Variants in ARHGEF28 observed in about 807,000 individuals in gnomAD.
ARHGEF28 encodes 190 kDa guanine nucleotide exchange factor.
In ARHGEF28, 152 loss-of-function variants were observed where a neutral mutation model predicts 206.6. That is an observed-to-expected ratio of 0.74 (90% CI 0.64 to 0.84). The LOEUF (loss-of-function observed/expected upper bound fraction) is 0.84. Ranked by LOEUF, ARHGEF28 falls within the 40% of genes least tolerant of loss-of-function variation. The probability of loss-of-function intolerance (pLI) is 0.00; values close to 1 mark genes in which losing one functional copy is unlikely to be tolerated. For synonymous variants in ARHGEF28, 763 were observed against 776.4 expected, an observed-to-expected ratio of 0.98 and a Z score of 0.29; for missense variants, 2,028 against 2,073.2, an observed-to-expected ratio of 0.98 and a Z score of 0.42.
intron 1 of ARHGEF28, among the ~76,000 whole-genome samples, chr5:73,668,562 T>C (rs1457157353): frequency 6.6e-6 from 1 of 152,248 alleles, no homozygotes; most frequent in Non-Finnish European, 1.5e-5. Context: ...TTGTCAATAC[T>C]GTTGCACGGG....
chr5:73,933,911 C>T, intron 35 of ARHGEF28, among the ~76,000 whole-genome samples: 1 of 150,146 alleles, frequency 6.7e-6, no homozygotes, highest in East Asian at 1.9e-4. Flanking sequence ...TCTGGATTGT[C>T]TCATAAATGT....
intron 7 of ARHGEF28, among the ~76,000 whole-genome samples, chr5:73,784,509 C>A (rs183130460): frequency 6.6e-6 from 1 of 152,230 alleles, no homozygotes; most frequent in African/African-American, 2.4e-5. Flanking sequence ...TCCATATTTT[C>A]CCCTTGCCTT....
Position 73,892,134 on chromosome 5 carries a change from G to C in ARHGEF28, c.3470G>C (p.Ser1157Thr). The C allele has an allele frequency of 6.3e-7, 1 of 1,591,242 alleles. No individual in the cohort carries two copies. The highest frequency in any genetic ancestry group is 1.1e-5 in the South Asian group (1 of 87,014). ...GAGGAGAGAGGAATGTTTCTGATCA[G>C]TGCTTCATCTGCTGGTCCTGAGATG... ...ANEERGMFLI[S>T]ASSAGPEMYE... The change falls in exon 27 of 36, where the codon AGT becomes ACT. Residue 1157 changes from serine to threonine, a missense_variant. Coordinates refer to ENST00000513042, the MANE Select transcript of ARHGEF28 (RefSeq NM_001177693.2).
rs113009457 is a variant in ARHGEF28, at chr5:73,737,749, T to C, written c.34-12088T>C. Among the ~76,000 whole-genome samples, 1,328 of 152,146 alleles carry C rather than the reference T, an allele frequency of 8.7e-3. 16 individuals are homozygous for C. Among genetic ancestry groups the C allele is most frequent in the African/African-American group, 0.03 (1,241 of 41,488 alleles). ...CCAGGCTGGTCTTGAACTGCTGACCTCAGGTGATCCGCCTGCCTCGGACTC... is the reference window on the plus strand; with the variant it reads ...CCAGGCTGGTCTTGAACTGCTGACCCCAGGTGATCCGCCTGCCTCGGACTC... On this transcript the variant is annotated intron_variant, in intron 2 of 35. Transcript: ENST00000513042.
intron 22 of ARHGEF28, among the ~76,000 whole-genome samples, chr5:73,878,022 G>T (rs1760643220): frequency 6.6e-6 from 1 of 152,066 alleles, no homozygotes; most frequent in Non-Finnish European, 1.5e-5. Context: ...CTGACAGTGG[G>T]GTGTTAAAGT....
At chr5:73,877,533 T>G (rs1305119712) in intron 22 of ARHGEF28, among the ~76,000 whole-genome samples, 3 of 135,854 alleles carry the variant, frequency 2.2e-5, no homozygotes, top group Non-Finnish European at 3.1e-5. Context: ...ATTTTAGATC[T>G]TTCCTGCTTT....
chr5:73,790,674 C>A (rs866958690), intron 7 of ARHGEF28, among the ~76,000 whole-genome samples: 16 of 112,276 alleles, frequency 1.4e-4, no homozygotes, highest in Middle Eastern at 4.4e-3. Flanking sequence ...AGTAGTCCCA[C>A]TTTTAGGAAA....
At position 73,882,503 on chromosome 5, in the gene ARHGEF28, A is replaced by G. The variant is rs773828993; in HGVS notation, c.2846A>G (p.Lys949Arg). The change falls in exon 23 of 36, where the codon AAA becomes AGA. Residue 949 changes from lysine to arginine, a missense_variant. Physicochemically the swap from Lys to Arg is conservative, Grantham distance 26. Around this residue, in one of 3 missense-constraint regions of ARHGEF28, gnomAD observed 223 missense variants for 289.9 expected, o/e 0.77. Transcript: ENST00000513042. ...GAAGAAAATGCAAGTAAAATGAAGA[A>G]AATATATGGAGAATTCTGTTGCCAT... ...FSEENASKMK[K>R]IYGEFCCHHK... 1 of 1,471,540 alleles carries G rather than the reference A, an allele frequency of 6.8e-7. No homozygotes were observed. Among genetic ancestry groups the G allele is most frequent in the East Asian group, 2.4e-5 (1 of 41,332 alleles). The allele number at this position is 1,471,540 out of a possible 1,614,324, so 91.2% of individuals were successfully genotyped here.
intron 1 of ARHGEF28, among the ~76,000 whole-genome samples, chr5:73,643,814 C>CAA (rs10655836): frequency 0.1 from 12,428 of 122,948 alleles, 899 homozygotes; most frequent in East Asian, 0.35. Context: ...GGCCCTGTCT[C>CAA]AAAAAAAAAA....
intron 26 of ARHGEF28, among the ~76,000 whole-genome samples, chr5:73,887,952 G>C (rs953392584): frequency 6.6e-6 from 1 of 152,182 alleles, no homozygotes; most frequent in Middle Eastern, 3.2e-3. Context: ...TTCAGTAGTG[G>C]TTGGTGAACA....
chr5:73,790,324 CT>C (rs964232549), intron 7 of ARHGEF28, among the ~76,000 whole-genome samples: 2 of 151,774 alleles, frequency 1.3e-5, no homozygotes, highest in Admixed American at 6.6e-5. Context: ...TAAATAATTA[CT>C]TTTGTCTTTA....
chr5:73,894,169 A>G (rs1040774851), intron 28 of ARHGEF28, among the ~76,000 whole-genome samples: 2 of 152,236 alleles, frequency 1.3e-5, no homozygotes, highest in Non-Finnish European at 2.9e-5. Flanking sequence ...TTATTTACAG[A>G]AAAGACAATG....
Position 73,909,617 on chromosome 5 carries a change from G to C in ARHGEF28, c.4367G>C (p.Arg1456Pro), listed in dbSNP as rs1404860182. The C allele has an allele frequency of 5.8e-6, 9 of 1,551,592 alleles. No individual in the cohort carries two copies. The South Asian group carries it at 9.5e-5, about 16-fold the overall frequency. Residue 1456 changes from arginine to proline, a missense_variant, in exon 34 of 36, where the codon CGC becomes CCC. Transcript: ENST00000513042. ...QLQQEQRRWL[R>P]RCEQQQRAQA... ...CAGCAGGAGCAGCGGCGCTGGCTGC[G>C]CAGGTGTGAGCAGCAGCAGCGGGCG...
rs1410719846 is a variant in ARHGEF28, at chr5:73,792,657, T to TTC, written c.911-1744_911-1743insCT. ...TCCTTCCCTTCTTTTTTTTTTTTTT[T>TTC]TTTTTAACGCCTTTGTGGTTTCTTT... is the stretch of plus-strand genomic sequence containing the variant. On this transcript the variant is annotated intron_variant, in intron 7 of 35. Transcript: ENST00000513042. Among the ~76,000 whole-genome samples the TTC allele has an allele frequency of 9.2e-5, 14 of 151,584 alleles. No individual in the cohort carries two copies. The South Asian group carries it at 2.9e-3, about 32-fold the overall frequency.
chr5:73,632,851 C>T (rs1481509625), intron 1 of ARHGEF28, among the ~76,000 whole-genome samples: 1 of 152,098 alleles, frequency 6.6e-6, no homozygotes, highest in African/African-American at 2.4e-5. Context: ...TTGTAGAAGA[C>T]AGTCTTTCAA....
At chr5:73,725,320 C>T (rs959252221) in intron 2 of ARHGEF28, among the ~76,000 whole-genome samples, 16 of 152,176 alleles carry the variant, frequency 1.1e-4, no homozygotes, top group Non-Finnish European at 1.6e-4. Context: ...CTCATATTTG[C>T]GTAGTCCTCT....
intron 11 of ARHGEF28, among the ~76,000 whole-genome samples, chr5:73,844,540 T>TG (rs1758181252): frequency 3.9e-5 from 6 of 151,972 alleles, no homozygotes; most frequent in Admixed American, 3.9e-4. Context: ...TAACTTACTG[T>TG]GTCCATTAAA....
intron 1 of ARHGEF28, among the ~76,000 whole-genome samples, chr5:73,671,782 A>G (rs187664596): frequency 0.014 from 1,161 of 80,766 alleles, 86 homozygotes; most frequent in African/African-American, 0.044. Context: ...TTGAGACGGA[A>G]TCTCGCTCTG....
At chr5:73,703,075 C>T (rs1259386459) in intron 2 of ARHGEF28, among the ~76,000 whole-genome samples, 1 of 152,114 alleles carries the variant, frequency 6.6e-6, no homozygotes, top group Non-Finnish European at 1.5e-5. Flanking sequence ...ATTGGAAAGC[C>T]AGAGTTCAGA....
Sources: gnomAD v4.1 joint callset for allele counts (sites outside exome capture counted in the v4.1 genomes callset) on GRCh38, gnomAD v4.1.1 for gene constraint, gnomAD v4.1.1 regional missense constraint, MANE v1.5 for transcripts, NCBI Gene and HGNC (gene_info 2026-07-23, HGNC 2026-07-21) for gene names.